The following ARMC7 variants were observed in gnomAD, a reference collection of about 807,000 sequenced individuals.
The protein encoded by ARMC7 is armadillo repeat containing 7.
Under a neutral mutation model 14.8 loss-of-function variants are expected in ARMC7, and 9 were observed. That is an observed-to-expected ratio of 0.61 (90% CI 0.37 to 1.06). The LOEUF (loss-of-function observed/expected upper bound fraction) is 1.06. Among genes scored for constraint, ARMC7 ranks in the 50% least tolerant of loss-of-function variants. The pLI is 0.01. For missense variants in ARMC7, 262 were observed against 267.1 expected (o/e 0.98, Z 0.13); for synonymous variants, 125 against 123.4 (o/e 1.01, Z -0.09).
rs763461823 is a variant in ARMC7, at chr17:75,129,119, T to C, written c.*81T>C. On this transcript the variant is annotated 3_prime_UTR_variant, in exon 3 of 3. Coordinates refer to ENST00000245543, the MANE Select transcript of ARMC7 (RefSeq NM_024585.4). ...GTGGACGCAGGGAACGGGGAGCACA[T>C]ACTGCCCCATTGGTGCCTTTTCAGC... 5.4e-6 allele frequency: 8 copies of C among 1,492,948 alleles called. No individual in the cohort carries two copies. The highest frequency in any genetic ancestry group is 7.1e-6 in the Non-Finnish European group (8 of 1,123,744). The allele number at this position is 1,492,948 out of a possible 1,614,324, so 92.5% of individuals were successfully genotyped here.
Position 75,110,160 on chromosome 17 carries a change from G to A in ARMC7, c.-129G>A, listed in dbSNP as rs576953229. 148 of 838,808 alleles carry A rather than the reference G, an allele frequency of 1.8e-4. 1 individual carries two copies. The Middle Eastern group carries it at 2.2e-3, about 13-fold the overall frequency. 52.0% of individuals were successfully genotyped at this position (838,808 alleles called of 1,614,324 possible). A position where few individuals can be genotyped will look rare whatever the true frequency, so the allele number is the denominator to read the frequency against. ...TACTGCAGAATCTGAACCCAGGAAA[G>A]AAACCCATTTGCCGACCCCCTCTTC... On this transcript the variant is annotated 5_prime_UTR_variant, in exon 1 of 3. Transcript: ENST00000245543.
intron 2 of ARMC7, among the ~76,000 whole-genome samples, chr17:75,122,497 G>T (rs1257099518): frequency 6.6e-6 from 1 of 151,544 alleles, no homozygotes; most frequent in African/African-American, 2.4e-5. Flanking sequence ...GAGTAGCTGG[G>T]ACTACGGGCG....
In ARMC7 at chr17:75,114,298, T is replaced by C. The variant is rs960781723; in HGVS notation, c.235+3692T>C. 5.0e-5 allele frequency: 20 copies of C among 400,696 alleles called. No individual in the cohort carries two copies. The East Asian group carries it at 6.8e-4, about 14-fold the overall frequency. 24.8% of individuals were successfully genotyped at this position (400,696 alleles called of 1,614,324 possible). On this transcript the variant is annotated intron_variant, in intron 2 of 2. Transcript: ENST00000245543. ...AAAATTGGCGGAAGTCACAGAGCAG[T>C]CCCCACCAAAAGTGTTTACCAAGTG...
At chr17:75,114,803 T>C (rs1047142663) in intron 2 of ARMC7, 1 of 398,334 alleles carries the variant, frequency 2.5e-6, no homozygotes, top group African/African-American at 2.1e-5. Context: ...GCAATGAAAT[T>C]TCAACATGCA....
In ARMC7 at chr17:75,128,102, T is replaced by G. The variant is rs574794649; in HGVS notation, c.236-575T>G. 3.9e-5 allele frequency among the ~76,000 whole-genome samples: 6 copies of G among 152,120 alleles called. No homozygotes were observed. In the South Asian group the frequency reaches 1.2e-3, roughly 32 times the overall value. On this transcript the variant is annotated intron_variant, in intron 2 of 2. Transcript: ENST00000245543. ...TTATTTATTTATTTCTGAGACAGAG[T>G]CTAGCTCTGTTGCCCAGGCTGGAGT...
In ARMC7 at chr17:75,110,339, G is replaced by A. The variant is rs1568012986; in HGVS notation, c.51G>A (p.Leu17=). ...VDPHVGRLGY[L]QALVTEFQET... ...CCCACGTCGGGCGGCTGGGATACCTGCAGGCGCTGGTCACGGAATTCCAGG... is the reference window on the plus strand; with the variant it reads ...CCCACGTCGGGCGGCTGGGATACCTACAGGCGCTGGTCACGGAATTCCAGG... Residue 17 remains leucine, a synonymous_variant, in exon 1 of 3, where the codon CTG becomes CTA. Transcript: ENST00000245543. 1 of 1,613,886 alleles carries A rather than the reference G, an allele frequency of 6.2e-7. No individual in the cohort carries two copies. The highest frequency in any genetic ancestry group is 8.5e-7 in the Non-Finnish European group (1 of 1,180,036).
At position 75,129,159 on chromosome 17, in the gene ARMC7, G is replaced by T; in HGVS notation, c.*121G>T. 1 of 1,368,186 alleles carries T rather than the reference G, an allele frequency of 7.3e-7. No homozygotes were observed. Among genetic ancestry groups the T allele is most frequent in the Non-Finnish European group, 9.7e-7 (1 of 1,029,830 alleles). 84.8% of individuals were successfully genotyped at this position (1,368,186 alleles called of 1,614,324 possible). A position where few individuals can be genotyped will look rare whatever the true frequency, so the allele number is the denominator to read the frequency against. On this transcript the variant is annotated 3_prime_UTR_variant, in exon 3 of 3. Transcript: ENST00000245543. Reference sequence around the variant, plus strand: ...GCCTTTTCAGCCATCTGAAAGGCGGGTTCTTTCAGCAGGACAGGCATTTAC... The same window carrying T: ...GCCTTTTCAGCCATCTGAAAGGCGGTTTCTTTCAGCAGGACAGGCATTTAC...
chr17:75,121,321 T>G (rs974466495), intron 2 of ARMC7, among the ~76,000 whole-genome samples: 1 of 152,206 alleles, frequency 6.6e-6, no homozygotes, highest in African/African-American at 2.4e-5. Context: ...AGATGTGCGT[T>G]TAACGTCATG....
At position 75,128,952 on chromosome 17, in the gene ARMC7, C is replaced by T. The variant is rs139544831; in HGVS notation, c.511C>T (p.Arg171Cys). The change falls in exon 3 of 3, where the codon CGC becomes TGC. Residue 171 changes from arginine to cysteine, a missense_variant. By Grantham distance (180) the Arg-to-Cys change is radical. Transcript: ENST00000245543. ...QIFLEDFCSPRQVAEARSRQA... is the reference protein window; with the variant it reads ...QIFLEDFCSPCQVAEARSRQA... Reference sequence around the variant, plus strand: ...CTTCCTGGAGGACTTCTGCTCCCCCCGCCAGGTGGCCGAGGCCCGCAGCCG... The same window carrying T: ...CTTCCTGGAGGACTTCTGCTCCCCCTGCCAGGTGGCCGAGGCCCGCAGCCG... 1,526 of 1,605,386 alleles carry T rather than the reference C, an allele frequency of 9.5e-4. 29 individuals carry two copies. The Admixed American group carries it at 0.023, about 25-fold the overall frequency.
Position 75,111,971 on chromosome 17 carries a change from G to C in ARMC7, c.235+1365G>C, listed in dbSNP as rs1013108865. Among the ~76,000 whole-genome samples, 11 of 151,588 alleles carry C rather than the reference G, an allele frequency of 7.3e-5. No homozygotes were observed. The East Asian group carries it at 2.1e-3, about 29-fold the overall frequency. ...CCCTCAGGAGCTTACATTCTAGTAG[G>C]GGGGACAGGTGGTTAGCAAACAAAA... is the stretch of plus-strand genomic sequence containing the variant. On this transcript the variant is annotated intron_variant, in intron 2 of 2. Coordinates refer to ENST00000245543, the MANE Select transcript of ARMC7 (RefSeq NM_024585.4).
At chr17:75,119,095 C>T (rs1302630743) in intron 2 of ARMC7, among the ~76,000 whole-genome samples, 3 of 152,208 alleles carry the variant, frequency 2.0e-5, no homozygotes, top group African/African-American at 2.4e-5. Context: ...TGAGCCACTG[C>T]ACCCAGCCCC....
intron 2 of ARMC7, among the ~76,000 whole-genome samples, chr17:75,126,970 G>A (rs376658499): frequency 1.0e-3 from 159 of 151,492 alleles, no homozygotes; most frequent in African/African-American, 3.7e-3. Flanking sequence ...GCTGAGGCAG[G>A]AGAATCACTT....
In ARMC7 at chr17:75,129,352, T is replaced by G; in HGVS notation, c.*314T>G. 2.3e-6 allele frequency: 1 copy of G among 437,938 alleles called. No homozygotes were observed. Among genetic ancestry groups the G allele is most frequent in the East Asian group, 4.0e-5 (1 of 24,848 alleles). The allele number at this position is 437,938 out of a possible 1,614,324, so 27.1% of individuals were successfully genotyped here. A position where few individuals can be genotyped will look rare whatever the true frequency, so the allele number is the denominator to read the frequency against. On this transcript the variant is annotated 3_prime_UTR_variant, in exon 3 of 3. Coordinates refer to ENST00000245543, the MANE Select transcript of ARMC7 (RefSeq NM_024585.4). Reference sequence around the variant, plus strand: ...GGCCAAGTGCCTGGACCCAGAGGCTTTGCAGGACAGTGTTCTCAGGAGCTG... The same window carrying G: ...GGCCAAGTGCCTGGACCCAGAGGCTGTGCAGGACAGTGTTCTCAGGAGCTG...
intron 2 of ARMC7, among the ~76,000 whole-genome samples, chr17:75,125,591 A>C (rs1305012767): frequency 6.6e-6 from 1 of 152,118 alleles, no homozygotes; most frequent in African/African-American, 2.4e-5. Context: ...TAATCCTAGC[A>C]CTTTGGGAGG....
chr17:75,112,345 C>T (rs8078501), intron 2 of ARMC7, among the ~76,000 whole-genome samples: 16,582 of 152,022 alleles, frequency 0.11, 3,002 homozygotes, highest in African/African-American at 0.38. Flanking sequence ...TCAAGAGGAT[C>T]GCTTGAGCCC....
intron 2 of ARMC7, among the ~76,000 whole-genome samples, chr17:75,111,873 C>T (rs914382676): frequency 4.6e-5 from 7 of 151,400 alleles, no homozygotes; most frequent in Non-Finnish European, 8.8e-5. Flanking sequence ...ATATTTATTG[C>T]GCGTGTACCG....
chr17:75,114,873 C>G, intron 2 of ARMC7: 1 of 393,926 alleles, frequency 2.5e-6, no homozygotes, highest in Non-Finnish European at 4.5e-6. Context: ...GGAGAGCCCC[C>G]GCGTATTTTC....
Position 75,128,743 on chromosome 17 carries a change from C to T in ARMC7, c.302C>T (p.Pro101Leu). The T allele has an allele frequency of 1.2e-6, 2 of 1,613,580 alleles. No individual in the cohort carries two copies. ...CACATCCTGCACGCAGGAGGTGTCCCACTCATCATCAACTGCCTATCCAGC... is the reference window on the plus strand; with the variant it reads ...CACATCCTGCACGCAGGAGGTGTCCTACTCATCATCAACTGCCTATCCAGC... ...KEHILHAGGV[P>L]LIINCLSSPN... Residue 101 changes from proline (P) to leucine (L), a missense_variant, in exon 3 of 3, where the codon CCA (proline) becomes CTA (leucine). By Grantham distance (98) the Pro-to-Leu change is moderately conservative. Coordinates refer to ENST00000245543, the MANE Select transcript of ARMC7 (RefSeq NM_024585.4).
rs888026059 is a variant in ARMC7 at position 75,128,780 on chromosome 17, G to A, written c.339G>A (p.Glu113=). The A allele has an allele frequency of 6.2e-7, 1 of 1,613,516 alleles. No homozygotes were observed. The highest frequency in any genetic ancestry group is 2.2e-5 in the East Asian group (1 of 44,872). ...ACTGCCTATCCAGCCCCAATGAGGA[G>A]ACGGTGCTGTCTGCCATCACCACGC... The part of the protein sequence containing the change: ...IINCLSSPNE[E]TVLSAITTLM... Residue 113 remains glutamate (E), a synonymous_variant, in exon 3 of 3, where the codon GAG becomes GAA. Coordinates refer to ENST00000245543, the MANE Select transcript of ARMC7 (RefSeq NM_024585.4).
Sources: gnomAD v4.1 joint callset for allele counts (sites outside exome capture counted in the v4.1 genomes callset) on GRCh38, gnomAD v4.1.1 for gene constraint, MANE v1.5 for transcripts, NCBI Gene and HGNC (gene_info 2026-07-23, HGNC 2026-07-21) for gene names.